TUT1: variants seen among roughly 807,000 people sequenced by gnomAD.
TUT1 encodes speckle targeted PIP5K1A-regulated poly(A) polymerase.
TUT1 carries 26 observed loss-of-function variants against 48.8 expected under a neutral mutation model. The observed-to-expected ratio is 0.53, with a 90% CI of 0.39 to 0.74. The LOEUF is 0.74. Among genes scored for constraint, TUT1 ranks in the 30% least tolerant of loss-of-function variants. TUT1 has a pLI of 0.00. For synonymous variants in TUT1, 470 were observed against 460.8 expected, an observed-to-expected ratio of 1.02 and a Z score of -0.26; for missense variants, 1,065 against 1,114.8, an observed-to-expected ratio of 0.96 and a Z score of 0.64.
Position 62,575,627 on chromosome 11 carries a change from C to T in TUT1, c.2092G>A (p.Glu698Lys). 6.2e-7 allele frequency: 1 copy of T among 1,614,236 alleles called. No homozygotes were observed. The highest frequency in any genetic ancestry group is 8.5e-7 in the Non-Finnish European group (1 of 1,180,042). ...TGCATGGCCCAGTCCTGCACCATCT[C>T]TCCAACCTCTATAACCATCTCTTCT... is the stretch of plus-strand genomic sequence containing the variant. ...RVEEMVIEVG[E>K]MVQDWAMQSP... The change falls in exon 9 of 9, where the codon GAG becomes AAG. Residue 698 changes from glutamate to lysine, a missense_variant. Glu to Lys is a moderately conservative substitution (Grantham distance 56). Coordinates refer to ENST00000476907, the MANE Select transcript of TUT1 (RefSeq NM_022830.3).
intron 4 of TUT1, among the ~76,000 whole-genome samples, chr11:62,580,417 A>C (rs1228104301): frequency 1.3e-5 from 2 of 151,884 alleles, no homozygotes; most frequent in East Asian, 3.9e-4. Flanking sequence ...CCGAGATCAC[A>C]GCACTGTACT....
Position 62,581,129 on chromosome 11 carries a change from G to C in TUT1, c.667C>G (p.Leu223Val), listed in dbSNP as rs752826978. 1.2e-6 allele frequency: 2 copies of C among 1,614,094 alleles called. No homozygotes were observed. The highest frequency in any genetic ancestry group is 1.7e-6 in the Non-Finnish European group (2 of 1,180,002). The change falls in exon 4 of 9, where the codon CTG becomes GTG. Residue 223 changes from leucine (L) to valine (V), a missense_variant. Physicochemically the swap from Leu to Val is conservative, Grantham distance 32 (BLOSUM62 1). Coordinates refer to ENST00000476907, the MANE Select transcript of TUT1 (RefSeq NM_022830.3). Reference protein sequence around the residue: ...HGCDLDLFLDLGDLEEPQPVP... With the variant: ...HGCDLDLFLDVGDLEEPQPVP... ...ACCTGGGGCTCTTCCAAGTCACCCAGATCCAAGAAGAGGTCAAGATCACAG... is the reference window on the plus strand; with the variant it reads ...ACCTGGGGCTCTTCCAAGTCACCCACATCCAAGAAGAGGTCAAGATCACAG...
At chr11:62,582,502 A>G in intron 2 of TUT1, 3 of 419,228 alleles carry the variant, frequency 7.2e-6, no homozygotes, top group Non-Finnish European at 1.5e-5. Context: ...AGGCTATGAT[A>G]AGAGCATCAC....
At position 62,589,224 on chromosome 11, in the gene TUT1, G is replaced by GTCAT. The variant is rs770054204; in HGVS notation, c.83-4_83-3insATGA. ...CAAGTGGGCATCAAGGCTGGGTCCT[G>GTCAT]CAAAGACAAGTGTGAGACAAAAACA... On this transcript the variant is annotated splice_polypyrimidine_tract_variant and splice_region_variant and intron_variant, in intron 1 of 8. Coordinates refer to ENST00000476907, the MANE Select transcript of TUT1 (RefSeq NM_022830.3). 6.5e-5 allele frequency: 105 copies of GTCAT among 1,613,642 alleles called. No homozygotes were observed. In the African/African-American group the frequency reaches 1.3e-3, roughly 20 times the overall value.
chr11:62,575,378 C>T lies in TUT1; in HGVS notation c.2341G>A (p.Ala781Thr), dbSNP rs771368091. 3.3e-5 allele frequency: 54 copies of T among 1,612,984 alleles called. No individual in the cohort carries two copies. In the Admixed American group the frequency reaches 9.0e-4, roughly 27 times the overall value. The change falls in exon 9 of 9, where the codon GCC becomes ACC. Residue 781 changes from alanine (A) to threonine (T), a missense_variant. Physicochemically the swap from Ala to Thr is moderately conservative, Grantham distance 58. Coordinates refer to ENST00000476907, the MANE Select transcript of TUT1 (RefSeq NM_022830.3). ...WHRVWQGRRR[A>T]RRRLQQQTKE... is the part of the protein sequence containing the mutation. ...GTTTGCTGCTGCAAGCGTCTACGGG[C>T]TCGCCGCCGCCCTTGCCACACTCGG...
At position 62,589,138 on chromosome 11, in the gene TUT1, G is replaced by A. The variant is rs867214388; in HGVS notation, c.166C>T (p.Arg56Ter). 1.5e-5 allele frequency: 25 copies of A among 1,614,124 alleles called. No homozygotes were observed. Among genetic ancestry groups the A allele is most frequent in the Non-Finnish European group, 2.1e-5 (25 of 1,180,052 alleles). The change falls in exon 2 of 9, where the codon CGA (arginine) becomes TGA (stop). Residue 56 changes from arginine to a stop codon, truncating the protein, a stop_gained. Coordinates refer to ENST00000476907, the MANE Select transcript of TUT1 (RefSeq NM_022830.3). LOFTEE classifies it high-confidence loss of function. The part of the protein sequence containing the change: ...LRAARKAQGL[R>*]SVFVSGFPRD... ...GGAAAGCCACTGACAAACACACTTC[G>A]AAGTCCCTGGGCCTTTCTCGCAGCT...
chr11:62,581,226 G>A lies in TUT1; in HGVS notation c.590-20C>T. The stretch of plus-strand genomic sequence containing the variant: ...CACAGCCTGGGTGCCGAGCAGAGAA[G>A]AAAGGTCAAGAGAAGTTAGGGAGGA... On this transcript the variant is annotated intron_variant, in intron 3 of 8. Coordinates refer to ENST00000476907, the MANE Select transcript of TUT1 (RefSeq NM_022830.3). 6.2e-7 allele frequency: 1 copy of A among 1,611,410 alleles called. No individual in the cohort carries two copies. The highest frequency in any genetic ancestry group is 8.5e-7 in the Non-Finnish European group (1 of 1,177,944).
intron 4 of TUT1, among the ~76,000 whole-genome samples, chr11:62,580,654 G>A (rs1276730702): frequency 8.7e-5 from 12 of 138,336 alleles, no homozygotes; most frequent in Admixed American, 8.3e-4. Flanking sequence ...CCAGGCTGGA[G>A]TGTAGTGGCA....
At chr11:62,583,376 T>C (rs1002553315) in intron 2 of TUT1, among the ~76,000 whole-genome samples, 4 of 151,910 alleles carry the variant, frequency 2.6e-5, no homozygotes, top group Non-Finnish European at 4.4e-5. Context: ...TTGGGAGGCC[T>C]AGGCGGGTGG....
In TUT1 at chr11:62,576,864, A is replaced by C. The variant is rs918042494; in HGVS notation, c.1381+43T>G. 9 of 1,603,430 alleles carry C rather than the reference A, an allele frequency of 5.6e-6. No individual in the cohort carries two copies. In the Admixed American group the frequency reaches 1.2e-4, roughly 21 times the overall value. The stretch of plus-strand genomic sequence containing the variant: ...TATCTAAGTGTGATGAAGAAGAGAG[A>C]GGAAACTAACAAGATGGAGAGGGTG... On this transcript the variant is annotated intron_variant, in intron 7 of 8. Transcript: ENST00000476907.
chr11:62,589,536 T>C (rs1007347804), intron 1 of TUT1, among the ~76,000 whole-genome samples: 2 of 152,190 alleles, frequency 1.3e-5, no homozygotes, highest in African/African-American at 2.4e-5. Context: ...CGTGAGTAGG[T>C]GGGACTACAG....
At chr11:62,587,341 C>A (rs947349746) in intron 2 of TUT1, among the ~76,000 whole-genome samples, 1 of 152,076 alleles carries the variant, frequency 6.6e-6, no homozygotes, top group Non-Finnish European at 1.5e-5. Flanking sequence ...GCCACCACGC[C>A]CCGCTAATTT....
intron 4 of TUT1, among the ~76,000 whole-genome samples, chr11:62,579,726 G>A (rs986846928): frequency 2.0e-5 from 3 of 148,746 alleles, no homozygotes; most frequent in Non-Finnish European, 3.0e-5. Context: ...GTGCAGTGGC[G>A]CGATCTCGGC....
chr11:62,590,329 C>T (rs1941988362), intron 1 of TUT1, among the ~76,000 whole-genome samples: 1 of 152,154 alleles, frequency 6.6e-6, no homozygotes, highest in African/African-American at 2.4e-5. Flanking sequence ...CCCATCTCTA[C>T]AAAAAACTAA....
In TUT1 at chr11:62,576,034, C is replaced by T. The variant is rs141387934; in HGVS notation, c.1685G>A (p.Arg562His). 9.7e-5 allele frequency: 157 copies of T among 1,613,764 alleles called. No homozygotes were observed. The African/African-American group carries it at 1.6e-3, about 16-fold the overall frequency. ...AANVTSRVAGRLQNCCRAAAN... is the reference protein window; with the variant it reads ...AANVTSRVAGHLQNCCRAAAN... ...TGCTGCTCGGCAGCAGTTCTGTAGG[C>T]GCCCAGCCACCCGGCTGGTCACATT... Residue 562 changes from arginine (R) to histidine (H), a missense_variant, in exon 9 of 9, where the codon CGC becomes CAC. By Grantham distance (29) the Arg-to-His change is conservative (BLOSUM62 0). Transcript: ENST00000476907.
chr11:62,584,963 A>C (rs1210084450), intron 2 of TUT1, among the ~76,000 whole-genome samples: 1 of 151,640 alleles, frequency 6.6e-6, no homozygotes, highest in Non-Finnish European at 1.5e-5. Context: ...CTGGGATTAC[A>C]GGAATCTGCC....
At position 62,575,209 on chromosome 11, in the gene TUT1, G is replaced by A; in HGVS notation, c.2510C>T (p.Ser837Phe). 6.2e-7 allele frequency: 1 copy of A among 1,613,292 alleles called. No homozygotes were observed. Among genetic ancestry groups the A allele is most frequent in the Non-Finnish European group, 8.5e-7 (1 of 1,179,276 alleles). Residue 837 changes from serine (S) to phenylalanine (F), a missense_variant, in exon 9 of 9, where the codon TCC (serine) becomes TTC (phenylalanine). Physicochemically the swap from Ser to Phe is radical, Grantham distance 155. Coordinates refer to ENST00000476907, the MANE Select transcript of TUT1 (RefSeq NM_022830.3). ...EPLLSFVASVSPADRMLTVTP... is the reference protein window; with the variant it reads ...EPLLSFVASVFPADRMLTVTP... ...CACAGTGAGCATTCGGTCAGCCGGG[G>A]AGACAGACGCCACAAAGCTCAGCAG...
At chr11:62,584,716 T>C (rs568239665) in intron 2 of TUT1, among the ~76,000 whole-genome samples, 1 of 152,252 alleles carries the variant, frequency 6.6e-6, no homozygotes, top group Non-Finnish European at 1.5e-5. Flanking sequence ...AGTGCTGGGA[T>C]TACAGGCCAT....
chr11:62,581,238 G>T, intron 3 of TUT1, 32 bp from the exon 4 acceptor site: 1 of 1,606,206 alleles, frequency 6.2e-7, no homozygotes. Context: ...AAGGTCAAGA[G>T]AAGTTAGGGA....
Sources: allele counts gnomAD v4.1 joint callset (sites outside exome capture counted in the v4.1 genomes callset), GRCh38; gene constraint gnomAD v4.1.1; transcripts MANE v1.5; gene names NCBI Gene and HGNC (gene_info 2026-07-23, HGNC 2026-07-21).